TRPC7: variants seen among roughly 807,000 people sequenced by gnomAD.
TRPC7 encodes short transient receptor potential channel 7.
A neutral mutation model predicts 90.1 loss-of-function variants in TRPC7; 42 were observed. The ratio of observed to expected loss-of-function variants is 0.47; its 90% CI spans 0.36 to 0.60. The LOEUF is 0.60. TRPC7 is among the 20% of genes least tolerant of loss of function. The pLI, the probability that TRPC7 is intolerant of heterozygous loss-of-function variation, is 0.00. For missense variants in TRPC7, 955 were observed against 1,112.3 expected (o/e 0.86, Z 2.01); for synonymous variants, 451 against 436.3 (o/e 1.03, Z -0.42).
chr5:136,346,719 A>G (rs530744233), intron 2 of TRPC7, among the ~76,000 whole-genome samples: 1 of 152,254 alleles, frequency 6.6e-6, no homozygotes, highest in South Asian at 2.1e-4. Flanking sequence ...GACCCATGGT[A>G]TGACTCACTG....
chr5:136,289,359 G>A (rs191130370), intron 3 of TRPC7, among the ~76,000 whole-genome samples: 1 of 152,366 alleles, frequency 6.6e-6, no homozygotes, highest in Admixed American at 6.5e-5. Context: ...GCCTCACCTG[G>A]GAAGTGCAAG....
intron 2 of TRPC7, among the ~76,000 whole-genome samples, chr5:136,336,677 C>G (rs1759677195): frequency 6.6e-6 from 1 of 152,068 alleles, no homozygotes; most frequent in East Asian, 1.9e-4. Flanking sequence ...GATCCCAGGA[C>G]AGGCCCCTGG....
intron 7 of TRPC7, among the ~76,000 whole-genome samples, chr5:136,232,216 C>T (rs1175454360): frequency 6.6e-6 from 1 of 152,136 alleles, no homozygotes; most frequent in Admixed American, 6.5e-5. Context: ...TGCATTCTTC[C>T]TTCCATTAAG....
chr5:136,341,260 G>C (rs1390694295), intron 2 of TRPC7, among the ~76,000 whole-genome samples: 2 of 152,042 alleles, frequency 1.3e-5, no homozygotes, highest in Admixed American at 1.3e-4. Flanking sequence ...ATAAATTACA[G>C]TGCATCTATC....
chr5:136,259,199 C>T (rs1044409596), intron 5 of TRPC7, among the ~76,000 whole-genome samples: 1 of 152,098 alleles, frequency 6.6e-6, no homozygotes, highest in Non-Finnish European at 1.5e-5. Flanking sequence ...TATAATTATC[C>T]CCACTTTACA....
chr5:136,219,980 G>T (rs1384693541), intron 10 of TRPC7, among the ~76,000 whole-genome samples: 1 of 152,222 alleles, frequency 6.6e-6, no homozygotes, highest in Non-Finnish European at 1.5e-5. Flanking sequence ...TGGAGCTGCG[G>T]CAGAGGAACA....
At chr5:136,354,484 G>A (rs1760299865) in intron 2 of TRPC7, among the ~76,000 whole-genome samples, 1 of 152,122 alleles carries the variant, frequency 6.6e-6, no homozygotes, top group East Asian at 1.9e-4. Context: ...TGTTGGCCTG[G>A]CCTTTCTGTC....
intron 5 of TRPC7, among the ~76,000 whole-genome samples, chr5:136,265,253 T>A (rs1296660958): frequency 4.6e-5 from 7 of 152,202 alleles, no homozygotes; most frequent in Non-Finnish European, 1.0e-4. Context: ...AAATCTAAGG[T>A]GAATACCATT....
chr5:136,283,648 GA>G (rs1231242865), intron 3 of TRPC7, among the ~76,000 whole-genome samples: 1 of 152,198 alleles, frequency 6.6e-6, no homozygotes. Context: ...CTTGGTTTGT[GA>G]GAAAGGAGGT....
At chr5:136,359,935 G>C (rs1042225864) in intron 1 of TRPC7, among the ~76,000 whole-genome samples, 1 of 152,110 alleles carries the variant, frequency 6.6e-6, no homozygotes, top group African/African-American at 2.4e-5. Context: ...AGAAAAAGCA[G>C]TTTACACTCA....
chr5:136,249,843 C>T lies in TRPC7; in HGVS notation c.1579+1806G>A, dbSNP rs138842204. Among the ~76,000 whole-genome samples the T allele has an allele frequency of 4.0e-3, 605 of 152,320 alleles. 4 individuals are homozygous for T. Among genetic ancestry groups the T allele is most frequent in the African/African-American group, 0.014 (564 of 41,566 alleles). ...GTGCTGTAGAGGTTGGAAGGAGCCA[C>T]CGTCCAGCTGGCCACAAGAGGGCTC... On this transcript the variant is annotated intron_variant, in intron 6 of 11. Coordinates refer to ENST00000513104, the MANE Select transcript of TRPC7 (RefSeq NM_020389.3).
chr5:136,294,247 TA>T (rs763874397), intron 3 of TRPC7, among the ~76,000 whole-genome samples: 64 of 152,184 alleles, frequency 4.2e-4, no homozygotes, highest in Non-Finnish European at 7.1e-4. Flanking sequence ...ACTTCATGTC[TA>T]AAACAAAAAG....
intron 3 of TRPC7, among the ~76,000 whole-genome samples, chr5:136,301,351 TTTTTTTTTTA>T (rs920692724): frequency 2.4e-5 from 3 of 125,580 alleles, no homozygotes; most frequent in East Asian, 2.2e-4. Context: ...TTTTTTTTTT[TTTTTTTTTTA>T]ACAAATCATA....
Position 136,310,362 on chromosome 5 carries a change from A to C in TRPC7, c.963+5235T>G, listed in dbSNP as rs529103694. The stretch of plus-strand genomic sequence containing the variant: ...TTTTAAAAATACAACAGTGTGAAGG[A>C]AAAGGGAACTATGTAAGTGAGGGAG... On this transcript the variant is annotated intron_variant, in intron 3 of 11. Coordinates refer to ENST00000513104, the MANE Select transcript of TRPC7 (RefSeq NM_020389.3). Among the ~76,000 whole-genome samples the C allele has an allele frequency of 1.2e-4, 18 of 152,230 alleles. 1 individual carries two copies. The highest frequency in any genetic ancestry group is 2.1e-4 in the Non-Finnish European group (14 of 68,046).
chr5:136,294,676 A>G (rs76750719), intron 3 of TRPC7, among the ~76,000 whole-genome samples: 6 of 151,886 alleles, frequency 4.0e-5, no homozygotes, highest in Non-Finnish European at 5.9e-5. Context: ...ATAAGGAACA[A>G]TTTTACACTG....
chr5:136,332,435 T>C (rs1341822200), intron 2 of TRPC7, among the ~76,000 whole-genome samples: 2 of 152,030 alleles, frequency 1.3e-5, no homozygotes, highest in Non-Finnish European at 2.9e-5. Context: ...AGTTGACATA[T>C]GATTTATGCT....
At chr5:136,242,948 TC>T (rs1157144969) in intron 7 of TRPC7, among the ~76,000 whole-genome samples, 5 of 152,186 alleles carry the variant, frequency 3.3e-5, no homozygotes, top group African/African-American at 1.2e-4. Context: ...TCCATTTTCT[TC>T]TAGCCTCTTC....
chr5:136,294,948 A>G lies in TRPC7; in HGVS notation c.964-20111T>C, dbSNP rs181569681. ...ATGTGGCACATATACACCATTGAAT[A>G]CTATGCAGCCATAAAAAGGATGAGT... is the stretch of plus-strand genomic sequence containing the variant. On this transcript the variant is annotated intron_variant, in intron 3 of 11. Transcript: ENST00000513104. Among the ~76,000 whole-genome samples the G allele has an allele frequency of 2.3e-3, 357 of 152,368 alleles. 6 individuals are homozygous for G. The highest frequency in any genetic ancestry group is 8.2e-3 in the African/African-American group (342 of 41,584).
At chr5:136,295,677 G>A (rs1758143229) in intron 3 of TRPC7, among the ~76,000 whole-genome samples, 1 of 152,134 alleles carries the variant, frequency 6.6e-6, no homozygotes, top group Non-Finnish European at 1.5e-5. Context: ...TCAAATCTCT[G>A]TTAGGGTAAT....
Sources: allele counts gnomAD v4.1 joint callset (sites outside exome capture counted in the v4.1 genomes callset), GRCh38; gene constraint gnomAD v4.1.1; transcripts MANE v1.5; gene names NCBI Gene and HGNC (gene_info 2026-07-23, HGNC 2026-07-21).